Variants in FLT1 observed in about 807,000 individuals in gnomAD.
The protein encoded by FLT1 is fms related receptor tyrosine kinase 1.
FLT1 carries 49 observed loss-of-function variants against 156.3 expected under a neutral mutation model. The observed-to-expected ratio is 0.31, with a 90% CI of 0.25 to 0.40. The LOEUF is 0.40. Ranked by LOEUF, FLT1 falls within the 10% of genes least tolerant of loss-of-function variation. FLT1 has a pLI of 1.00. For synonymous variants in FLT1, 594 were observed against 583.8 expected, an observed-to-expected ratio of 1.02 and a Z score of -0.25; for missense variants, 1,322 against 1,637.2, an observed-to-expected ratio of 0.81 and a Z score of 3.32.
intron 16 of FLT1, among the ~76,000 whole-genome samples, chr13:28,345,213 C>T (rs913006666): frequency 6.6e-6 from 1 of 152,124 alleles, no homozygotes; most frequent in Non-Finnish European, 1.5e-5. Flanking sequence ...TACCTTCTGT[C>T]CCTGAGAAGT....
At chr13:28,326,899 T>C (rs1288690527) in intron 20 of FLT1, among the ~76,000 whole-genome samples, 1 of 152,168 alleles carries the variant, frequency 6.6e-6, no homozygotes, top group Non-Finnish European at 1.5e-5. Flanking sequence ...AGCTTTTATT[T>C]AATAAGGCTG....
intron 20 of FLT1, among the ~76,000 whole-genome samples, chr13:28,324,639 T>C (rs531784797): frequency 1.3e-5 from 2 of 152,228 alleles, no homozygotes; most frequent in Non-Finnish European, 2.9e-5. Flanking sequence ...TTCTGTTCAG[T>C]TGGGGACTGG....
chr13:28,464,662 T>C (rs947079342), intron 3 of FLT1, among the ~76,000 whole-genome samples: 2 of 152,256 alleles, frequency 1.3e-5, no homozygotes, highest in African/African-American at 4.8e-5. Flanking sequence ...GTCATGATTG[T>C]TTGCCAGATC....
intron 1 of FLT1, among the ~76,000 whole-genome samples, chr13:28,478,503 T>A (rs1446508640): frequency 6.6e-6 from 1 of 152,216 alleles, no homozygotes; most frequent in African/African-American, 2.4e-5. Context: ...TGGGAGATAT[T>A]TGATCAATTC....
intron 3 of FLT1, among the ~76,000 whole-genome samples, chr13:28,460,480 C>A (rs1879504535): frequency 3.3e-5 from 5 of 152,082 alleles, no homozygotes; most frequent in African/African-American, 7.2e-5. Flanking sequence ...CAGACAGATT[C>A]CTGTTGGTGG....
At chr13:28,383,996 A>T (rs78194845) in intron 14 of FLT1, among the ~76,000 whole-genome samples, 10,670 of 152,278 alleles carry the variant, frequency 0.07, 420 homozygotes, top group South Asian at 0.12. Flanking sequence ...TTTCCCACGG[A>T]TCCCATGGCA....
chr13:28,455,293 G>A (rs997667628), intron 3 of FLT1, among the ~76,000 whole-genome samples: 4 of 152,116 alleles, frequency 2.6e-5, no homozygotes, highest in East Asian at 1.9e-4. Flanking sequence ...ATTGGCAAAA[G>A]GATAGACAAA....
chr13:28,313,443 A>G (rs779734572), intron 25 of FLT1, among the ~76,000 whole-genome samples: 1 of 152,112 alleles, frequency 6.6e-6, no homozygotes, highest in Admixed American at 6.6e-5. Flanking sequence ...TCTTCAAGGG[A>G]TGTTTATTAT....
At chr13:28,314,560 G>C (rs576618257) in intron 25 of FLT1, among the ~76,000 whole-genome samples, 1 of 152,290 alleles carries the variant, frequency 6.6e-6, no homozygotes, top group Non-Finnish European at 1.5e-5. Flanking sequence ...TCCAAGCTGG[G>C]GATGAGGGGC....
chr13:28,395,103 T>C (rs1360149618), intron 12 of FLT1, among the ~76,000 whole-genome samples: 1 of 152,198 alleles, frequency 6.6e-6, no homozygotes, highest in African/African-American at 2.4e-5. Flanking sequence ...TGCTCTGGAA[T>C]CTGAGTAGTC....
intron 14 of FLT1, among the ~76,000 whole-genome samples, chr13:28,374,547 T>C (rs1183098848): frequency 2.6e-5 from 4 of 152,032 alleles, no homozygotes; most frequent in African/African-American, 4.8e-5. Context: ...AGTCTCGCTC[T>C]GTCGCCCAGG....
chr13:28,387,832 G>A (rs532677088), intron 13 of FLT1: 55 of 952,346 alleles, frequency 5.8e-5, no homozygotes, highest in African/African-American at 3.4e-4. Context: ...AAGACTCTCC[G>A]GAAGGATTAA....
At chr13:28,452,318 T>C (rs1225247333) in intron 3 of FLT1, among the ~76,000 whole-genome samples, 1 of 152,212 alleles carries the variant, frequency 6.6e-6, no homozygotes, top group Admixed American at 6.5e-5. Context: ...GCCTTAAACA[T>C]GGTATTGAAT....
chr13:28,376,918 TTAAA>T (rs1873863186), intron 14 of FLT1, among the ~76,000 whole-genome samples: 1 of 152,176 alleles, frequency 6.6e-6, no homozygotes, highest in Non-Finnish European at 1.5e-5. Flanking sequence ...TTTGCAAACC[TTAAA>T]TATTTTTAGC....
intron 27 of FLT1, among the ~76,000 whole-genome samples, chr13:28,310,280 A>G (rs73451140): frequency 0.024 from 3,603 of 152,234 alleles, 149 homozygotes; most frequent in African/African-American, 0.082. Flanking sequence ...TGCCTACTGC[A>G]AAGAGAGATG....
At chr13:28,375,625 T>C (rs1873808256) in intron 14 of FLT1, among the ~76,000 whole-genome samples, 1 of 152,230 alleles carries the variant, frequency 6.6e-6, no homozygotes, top group Non-Finnish European at 1.5e-5. Flanking sequence ...AAGAGCTACT[T>C]GCATATCAGC....
intron 6 of FLT1, among the ~76,000 whole-genome samples, chr13:28,433,292 T>C (rs542211642): frequency 6.6e-6 from 1 of 152,338 alleles, no homozygotes; most frequent in East Asian, 1.9e-4. Flanking sequence ...ATTCTTCTCA[T>C]TTTTCTGAAG....
At chr13:28,429,449 T>C (rs565415052) in intron 8 of FLT1, among the ~76,000 whole-genome samples, 16 of 152,358 alleles carry the variant, frequency 1.1e-4, no homozygotes, top group African/African-American at 3.4e-4. Flanking sequence ...GATTACATTG[T>C]TTTACATCAG....
rs558156836 is a variant in FLT1, at chr13:28,306,328, G to C, written c.3815+350C>G. ...CGTGTATGAACCCTGCCGGCATAGG[G>C]AGTGACAGCGGGGGCATCCTCTCCC... On this transcript the variant is annotated intron_variant, in intron 29 of 29. Coordinates refer to ENST00000282397, the MANE Select transcript of FLT1 (RefSeq NM_002019.4). Among the ~76,000 whole-genome samples the C allele has an allele frequency of 1.2e-4, 18 of 152,330 alleles. 2 individuals are homozygous for C. The South Asian group carries it at 3.5e-3, about 30-fold the overall frequency.
Sources: allele counts gnomAD v4.1 joint callset (sites outside exome capture counted in the v4.1 genomes callset), GRCh38; gene constraint gnomAD v4.1.1; transcripts MANE v1.5; gene names NCBI Gene and HGNC (gene_info 2026-07-23, HGNC 2026-07-21).